The following KREMEN1 variants were observed in gnomAD, a reference collection of about 807,000 sequenced individuals.
The protein encoded by KREMEN1 is kringle containing transmembrane protein 1, also known as kremen protein 1.
In KREMEN1, 30 loss-of-function variants were observed where a neutral mutation model predicts 46.5. That is an observed-to-expected ratio of 0.65 (90% CI 0.48 to 0.88). The LOEUF (loss-of-function observed/expected upper bound fraction) is 0.88. Among genes scored for constraint, KREMEN1 ranks in the 40% least tolerant of loss-of-function variants. The pLI, the probability that KREMEN1 is intolerant of heterozygous loss-of-function variation, is 0.00. For missense variants in KREMEN1, 533 were observed against 596.9 expected (o/e 0.89, Z 1.11); for synonymous variants, 214 against 230.6 (o/e 0.93, Z 0.65).
intron 1 of KREMEN1, among the ~76,000 whole-genome samples, chr22:29,091,037 G>C (rs960161162): frequency 2.6e-5 from 4 of 152,178 alleles, no homozygotes; most frequent in Non-Finnish European, 4.4e-5. Flanking sequence ...GCAAAGGCAC[G>C]ATCTCGGCTC....
At chr22:29,094,481 C>A in intron 2 of KREMEN1, 61 bp downstream of exon 2, 1 of 1,429,564 alleles carries the variant, frequency 7.0e-7, no homozygotes, top group Non-Finnish European at 9.5e-7. Flanking sequence ...CTTCTTCCAA[C>A]CCCTTTCATC....
chr22:29,129,719 G>A (rs1263061575), intron 5 of KREMEN1, among the ~76,000 whole-genome samples: 1 of 152,128 alleles, frequency 6.6e-6, no homozygotes, highest in African/African-American at 2.4e-5. Context: ...CGGGGCTAGT[G>A]GGGGTGGAGG....
intron 5 of KREMEN1, among the ~76,000 whole-genome samples, chr22:29,135,538 T>G (rs968514652): frequency 6.6e-6 from 1 of 152,178 alleles, no homozygotes; most frequent in Non-Finnish European, 1.5e-5. Flanking sequence ...TGGCAGCCTG[T>G]CACCTCCTGC....
intron 3 of KREMEN1, 157 bp downstream of exon 3, chr22:29,099,110 G>T (rs892050113): frequency 3.7e-5 from 22 of 597,120 alleles, no homozygotes; most frequent in Non-Finnish European, 5.4e-5. Flanking sequence ...CACTTCTCTT[G>T]TTGAGGCTTT....
rs1409393777 is a variant in KREMEN1, at chr22:29,144,095, C to T, written c.*1983C>T. Reference sequence around the variant, plus strand: ...GTGCCTCTGCTGGCCAGGCCTAGGCCCTCGTCAGAGCGTGCCTCTCCACAA... The same window carrying T: ...GTGCCTCTGCTGGCCAGGCCTAGGCTCTCGTCAGAGCGTGCCTCTCCACAA... On this transcript the variant is annotated 3_prime_UTR_variant, in exon 9 of 9. Coordinates refer to ENST00000400335, the MANE Select transcript of KREMEN1 (RefSeq NM_001039570.3). The T allele has an allele frequency of 3.0e-6, 3 of 985,402 alleles. No homozygotes were observed. The highest frequency in any genetic ancestry group is 3.6e-6 in the Non-Finnish European group (3 of 829,990). 61.0% of individuals were successfully genotyped at this position (985,402 alleles called of 1,614,324 possible).
chr22:29,105,512 C>CACACACACACACAT (rs56047123), intron 3 of KREMEN1, among the ~76,000 whole-genome samples: 2 of 151,174 alleles, frequency 1.3e-5, no homozygotes, highest in Admixed American at 1.3e-4. Flanking sequence ...CACACACACA[C>CACACACACACACAT]TCTGATGAAT....
intron 8 of KREMEN1, among the ~76,000 whole-genome samples, chr22:29,141,686 C>G (rs775551740): frequency 1.3e-5 from 2 of 152,190 alleles, no homozygotes; most frequent in Non-Finnish European, 2.9e-5. Context: ...CTGGGCTTTT[C>G]CAGATTTGAA....
chr22:29,113,353 A>C (rs2038181611), intron 3 of KREMEN1, among the ~76,000 whole-genome samples: 3 of 152,180 alleles, frequency 2.0e-5, no homozygotes, highest in African/African-American at 7.2e-5. Context: ...AGAGATTAAT[A>C]TTTTAATATC....
At chr22:29,102,301 C>T (rs1483409609) in intron 3 of KREMEN1, among the ~76,000 whole-genome samples, 1 of 152,190 alleles carries the variant, frequency 6.6e-6, no homozygotes, top group African/African-American at 2.4e-5. Flanking sequence ...TCCTTCCAAC[C>T]TGAGTGTGCC....
chr22:29,140,468 T>G (rs1260794635), intron 8 of KREMEN1, 102 bp downstream of exon 8: 1 of 880,532 alleles, frequency 1.1e-6, no homozygotes, highest in Non-Finnish European at 1.9e-6. Context: ...AATAAGCACA[T>G]GATTCCAAAG....
intron 3 of KREMEN1, among the ~76,000 whole-genome samples, chr22:29,099,841 C>A (rs942142728): frequency 6.6e-6 from 1 of 151,850 alleles, no homozygotes; most frequent in African/African-American, 2.4e-5. Flanking sequence ...AGCCACCACA[C>A]CCGGCACCTG....
At chr22:29,082,357 C>T (rs748629571) in intron 1 of KREMEN1, among the ~76,000 whole-genome samples, 6 of 152,150 alleles carry the variant, frequency 3.9e-5, no homozygotes, top group Admixed American at 3.9e-4. Flanking sequence ...GCACCCAGCC[C>T]CCATCCATTT....
intron 9 of KREMEN1, among the ~76,000 whole-genome samples, chr22:29,163,836 T>C (rs75940811): frequency 0.064 from 9,753 of 152,252 alleles, 454 homozygotes; most frequent in Non-Finnish European, 0.086. Context: ...ACCACCTGGC[T>C]GATGGGATCA....
Position 29,145,380 on chromosome 22 carries a change from G to C in KREMEN1, c.*3268G>C. 1 of 985,536 alleles carries C rather than the reference G, an allele frequency of 1.0e-6. No homozygotes were observed. Among genetic ancestry groups the C allele is most frequent in the Non-Finnish European group, 1.2e-6 (1 of 830,040 alleles). 61.0% of individuals were successfully genotyped at this position (985,536 alleles called of 1,614,324 possible). On this transcript the variant is annotated 3_prime_UTR_variant, in exon 9 of 9. Transcript: ENST00000400335. ...GTGGACAGAGCTCTGAAAGCACCCT[G>C]GCCAAAGCCCCTCCTGAGGTGACAG...
chr22:29,094,390 A>G lies in KREMEN1; in HGVS notation c.230A>G (p.Glu77Gly). The G allele has an allele frequency of 1.2e-6, 2 of 1,613,678 alleles. No individual in the cohort carries two copies. Among genetic ancestry groups the G allele is most frequent in the South Asian group, 1.1e-5 (1 of 91,010 alleles). The stretch of plus-strand genomic sequence containing the variant: ...AACACTCTGAAATACCCCAACGGGG[A>G]GGGGGGCCTGGGTGAGCACAACTAT... ...PYNTLKYPNGEGGLGEHNYCR... is the reference protein window; with the variant it reads ...PYNTLKYPNGGGGLGEHNYCR... Residue 77 changes from glutamate to glycine, a missense_variant, in exon 2 of 9, where the codon GAG (glutamate) becomes GGG (glycine). Physicochemically the swap from Glu to Gly is moderately conservative, Grantham distance 98 (BLOSUM62 -2). Coordinates refer to ENST00000400335, the MANE Select transcript of KREMEN1 (RefSeq NM_001039570.3).
chr22:29,154,957 C>A (rs1449752724), intron 9 of KREMEN1, among the ~76,000 whole-genome samples: 2 of 152,092 alleles, frequency 1.3e-5, no homozygotes, highest in East Asian at 3.8e-4. Context: ...ATTCTACCTC[C>A]ATACTATGAA....
intron 4 of KREMEN1, among the ~76,000 whole-genome samples, chr22:29,124,162 A>G (rs2038402895): frequency 6.6e-6 from 1 of 152,246 alleles, no homozygotes. Flanking sequence ...ATGAATAACT[A>G]GAAACAGCCC....
intron 9 of KREMEN1, among the ~76,000 whole-genome samples, chr22:29,158,736 T>C (rs986064624): frequency 6.6e-6 from 1 of 152,218 alleles, no homozygotes; most frequent in Admixed American, 6.5e-5. Flanking sequence ...TGGCTGATGG[T>C]TATTTGCCAG....
intron 3 of KREMEN1, among the ~76,000 whole-genome samples, chr22:29,119,679 T>C (rs1237403305): frequency 1.3e-5 from 2 of 152,228 alleles, no homozygotes; most frequent in African/African-American, 2.4e-5. Flanking sequence ...CTTTGAAAGC[T>C]GTCTACCAGA....
Sources: allele counts gnomAD v4.1 joint callset (sites outside exome capture counted in the v4.1 genomes callset), GRCh38; gene constraint gnomAD v4.1.1; transcripts MANE v1.5; gene names NCBI Gene and HGNC (gene_info 2026-07-23, HGNC 2026-07-21).